CSMD3: variants seen among roughly 807,000 people sequenced by gnomAD.
CSMD3 encodes the protein CUB and Sushi multiple domains 3.
CSMD3 carries 177 observed loss-of-function variants against 435.2 expected under a neutral mutation model. The ratio of observed to expected loss-of-function variants is 0.41; its 90% CI spans 0.36 to 0.46. The LOEUF (loss-of-function observed/expected upper bound fraction) is 0.46, where lower values mean the gene tolerates loss of function less well. Among genes scored for constraint, CSMD3 ranks in the 20% least tolerant of loss-of-function variants. The probability of loss-of-function intolerance (pLI) is 0.34; values close to 1 mark genes in which losing one functional copy is unlikely to be tolerated. For synonymous variants in CSMD3, 1,656 were observed against 1,520.5 expected, an observed-to-expected ratio of 1.09 and a Z score of -2.07; for missense variants, 4,265 against 4,504.6, an observed-to-expected ratio of 0.95 and a Z score of 1.52.
rs754584221 is a variant in CSMD3 at position 112,244,354 on chromosome 8, C to T, written c.10402+40G>A. The T allele has an allele frequency of 4.7e-6, 7 of 1,498,620 alleles. No homozygotes were observed. The African/African-American group carries it at 6.9e-5, about 15-fold the overall frequency. The allele number at this position is 1,498,620 out of a possible 1,614,324, so 92.8% of individuals were successfully genotyped here. A position where few individuals can be genotyped will look rare whatever the true frequency, so the allele number is the denominator to read the frequency against. ...TCTGGAGCAAAGGAAAGCAATAGTG[C>T]AATCTCTTGTGTTAAAAAGATTCTA... On this transcript the variant is annotated intron_variant, in intron 65 of 70. Transcript: ENST00000297405.
chr8:113,054,036 A>G (rs2088210310), intron 5 of CSMD3, among the ~76,000 whole-genome samples: 1 of 152,156 alleles, frequency 6.6e-6, no homozygotes, highest in East Asian at 1.9e-4. Context: ...CTTCAAATTG[A>G]TTTCTTACCA....
At chr8:112,701,017 C>T (rs1017732197) in intron 13 of CSMD3, among the ~76,000 whole-genome samples, 26 of 152,132 alleles carry the variant, frequency 1.7e-4, no homozygotes, top group African/African-American at 6.3e-4. Flanking sequence ...CAGTAACATA[C>T]CACCTTATAT....
chr8:112,889,393 G>A (rs2081711003), intron 10 of CSMD3, among the ~76,000 whole-genome samples: 2 of 151,592 alleles, frequency 1.3e-5, no homozygotes. Flanking sequence ...TAAAGACAGA[G>A]AGACCTGGCT....
At chr8:112,985,273 A>T (rs1366269714) in intron 6 of CSMD3, among the ~76,000 whole-genome samples, 2 of 152,084 alleles carry the variant, frequency 1.3e-5, no homozygotes, top group Non-Finnish European at 2.9e-5. Context: ...TTTTAGTCAG[A>T]GGTAGCAGAT....
intron 1 of CSMD3, among the ~76,000 whole-genome samples, chr8:113,430,474 A>G (rs2094665453): frequency 6.6e-6 from 1 of 152,090 alleles, no homozygotes; most frequent in Non-Finnish European, 1.5e-5. Flanking sequence ...GTGGCTCCAG[A>G]GCCCTTGCTC....
intron 13 of CSMD3, among the ~76,000 whole-genome samples, chr8:112,782,798 T>C (rs770957640): frequency 1.3e-5 from 2 of 151,520 alleles, no homozygotes; most frequent in African/African-American, 2.4e-5. Context: ...ATAACATATT[T>C]AAAGTGCTGA....
chr8:113,230,860 T>C (rs1320130986), intron 3 of CSMD3, among the ~76,000 whole-genome samples: 3 of 151,548 alleles, frequency 2.0e-5, no homozygotes, highest in African/African-American at 4.8e-5. Flanking sequence ...CTTTTTTATA[T>C]GGACATAATT....
intron 31 of CSMD3, among the ~76,000 whole-genome samples, chr8:112,473,336 G>T (rs1818714305): frequency 6.6e-6 from 1 of 152,256 alleles, no homozygotes; most frequent in East Asian, 1.9e-4. Flanking sequence ...TTATTCACAA[G>T]ACAGGGGATG....
At chr8:112,770,558 T>C (rs963492109) in intron 13 of CSMD3, among the ~76,000 whole-genome samples, 1 of 152,006 alleles carries the variant, frequency 6.6e-6, no homozygotes, top group Non-Finnish European at 1.5e-5. Context: ...GACAACCACA[T>C]TTCAAGTTCA....
At chr8:112,609,592 G>C (rs1006762037) in intron 22 of CSMD3, among the ~76,000 whole-genome samples, 1 of 152,146 alleles carries the variant, frequency 6.6e-6, no homozygotes, top group Non-Finnish European at 1.5e-5. Context: ...CAGCTATATA[G>C]AAAACAGTAG....
At chr8:112,625,195 G>A (rs79771296) in intron 22 of CSMD3, among the ~76,000 whole-genome samples, 7,733 of 152,100 alleles carry the variant, frequency 0.051, 251 homozygotes, top group African/African-American at 0.097. Context: ...AGTCAGTGGA[G>A]TGTAATTAAA....
intron 5 of CSMD3, among the ~76,000 whole-genome samples, chr8:113,026,354 T>C (rs756188970): frequency 6.6e-6 from 1 of 152,210 alleles, no homozygotes; most frequent in African/African-American, 2.4e-5. Flanking sequence ...CACCACTTCC[T>C]TGTGGTGAAG....
rs1303922695 is a variant in CSMD3 at position 112,628,040 on chromosome 8, T to A, written c.3715+8777A>T. On this transcript the variant is annotated intron_variant, in intron 22 of 70. Coordinates refer to ENST00000297405, the MANE Select transcript of CSMD3 (RefSeq NM_198123.2). ...TGCGTTCTAAAAGGATGTCTGTAAA[T>A]TTGTTTGTCTACAAATCCCAAGTGA... 1.3e-5 allele frequency among the ~76,000 whole-genome samples: 2 copies of A among 152,200 alleles called. 1 individual carries two copies. The highest frequency in any genetic ancestry group is 2.9e-5 in the Non-Finnish European group (2 of 68,034).
chr8:112,342,237 T>C (rs928958165), intron 41 of CSMD3, among the ~76,000 whole-genome samples: 1 of 152,260 alleles, frequency 6.6e-6, no homozygotes, highest in African/African-American at 2.4e-5. Context: ...CAGGCTTTTA[T>C]ATAATAACCT....
At chr8:112,645,043 G>T in intron 20 of CSMD3, 66 bp downstream of exon 20, 1 of 865,048 alleles carries the variant, frequency 1.2e-6, no homozygotes. Context: ...AAAGGAAAGT[G>T]AAATAAGAAT....
Position 112,564,193 on chromosome 8 carries a change from T to A in CSMD3, c.4043-7239A>T, listed in dbSNP as rs563499897. Among the ~76,000 whole-genome samples the A allele has an allele frequency of 3.3e-5, 5 of 151,810 alleles. No individual in the cohort carries two copies. The East Asian group carries it at 7.8e-4, about 24-fold the overall frequency. On this transcript the variant is annotated intron_variant, in intron 24 of 70. Coordinates refer to ENST00000297405, the MANE Select transcript of CSMD3 (RefSeq NM_198123.2). ...GGATTTCTTTTTTCTAGAGAGTGCA[T>A]GTTTTCCATTATATAAATACCTCCT...
In CSMD3 at chr8:112,682,515, C is replaced by T. The variant is rs2131785786; in HGVS notation, c.2604G>A (p.Gln868=). The T allele has an allele frequency of 6.2e-7, 1 of 1,613,690 alleles. No individual in the cohort carries two copies. Among genetic ancestry groups the T allele is most frequent in the South Asian group, 1.1e-5 (1 of 91,068 alleles). ...VICEEGFIKT[Q]GTETITCILM... ...GAATACATGTAATTGTTTCTGTTCC[C>T]TGGGTTTTAATAAATCCTTCTTCAC... is the stretch of plus-strand genomic sequence containing the variant. The change falls in exon 16 of 71, where the codon CAG becomes CAA. Residue 868 remains glutamine (Q), a synonymous_variant. Coordinates refer to ENST00000297405, the MANE Select transcript of CSMD3 (RefSeq NM_198123.2).
chr8:112,879,616 G>A (rs946402687), intron 10 of CSMD3, among the ~76,000 whole-genome samples: 2 of 151,970 alleles, frequency 1.3e-5, no homozygotes, highest in South Asian at 2.1e-4. Flanking sequence ...GGGGCATCAC[G>A]GAACCTGCCG....
At chr8:113,226,897 T>G (rs189546909) in intron 3 of CSMD3, among the ~76,000 whole-genome samples, 1 of 151,610 alleles carries the variant, frequency 6.6e-6, no homozygotes, top group African/African-American at 2.4e-5. Context: ...TTGAAACAAT[T>G]TGACAATTGT....
Sources: gnomAD v4.1 joint callset for allele counts (sites outside exome capture counted in the v4.1 genomes callset) on GRCh38, gnomAD v4.1.1 for gene constraint, MANE v1.5 for transcripts, NCBI Gene and HGNC (gene_info 2026-07-23, HGNC 2026-07-21) for gene names.